POLM: variants seen among roughly 807,000 people sequenced by gnomAD.
POLM encodes the protein DNA-directed DNA/RNA polymerase mu.
Under a neutral mutation model 56.7 loss-of-function variants are expected in POLM, and 52 were observed. The ratio of observed to expected loss-of-function variants is 0.92; its 90% confidence interval spans 0.73 to 1.15. The LOEUF (loss-of-function observed/expected upper bound fraction) is 1.15. POLM is among the 50% of genes most tolerant of loss of function. POLM has a pLI of 0.00. For missense variants in POLM, 660 were observed against 663.6 expected (o/e 0.99, Z 0.06); for synonymous variants, 273 against 274.3 (o/e 1.00, Z 0.05).
chr7:44,074,898 C>G (rs1562668283), intron 6 of POLM, among the ~76,000 whole-genome samples: 1 of 152,230 alleles, frequency 6.6e-6, no homozygotes, highest in Non-Finnish European at 1.5e-5. Flanking sequence ...AGTCATGCCA[C>G]AGGCTATCTC....
At chr7:44,081,373 T>G (rs991627161) in intron 1 of POLM, among the ~76,000 whole-genome samples, 1 of 152,230 alleles carries the variant, frequency 6.6e-6, no homozygotes, top group Non-Finnish European at 1.5e-5. Flanking sequence ...ATCCACCCTG[T>G]GGGGTTGTTG....
chr7:44,074,072 A>C, intron 8 of POLM, 47 bp from the exon 9 acceptor site: 2 of 1,608,410 alleles, frequency 1.2e-6, no homozygotes, highest in African/African-American at 1.3e-5. Flanking sequence ...TGGTGTGGAG[A>C]GAGCAGGAGG....
rs762491869 is a variant in POLM at position 44,074,193 on chromosome 7, G to A, written c.1009C>T (p.His337Tyr). 2 of 1,598,746 alleles carry A rather than the reference G, an allele frequency of 1.3e-6. No individual in the cohort carries two copies. The highest frequency in any genetic ancestry group is 4.5e-5 in the East Asian group (2 of 44,396). The change falls in exon 8 of 11, where the codon CAC becomes TAC. Residue 337 changes from histidine (H) to tyrosine (Y), a missense_variant. Coordinates refer to ENST00000242248, the MANE Select transcript of POLM (RefSeq NM_013284.4). ...QGHDVDFLITHPKEGQEAGLL... is the reference protein window; with the variant it reads ...QGHDVDFLITYPKEGQEAGLL... ...CCCGCCTCCTGACCCTCCTTGGGGT[G>A]GGTGATGAGGAAGTCCACGTCATGG...
In POLM at chr7:44,074,485, T is replaced by C; in HGVS notation, c.881A>G (p.Asp294Gly). Residue 294 changes from aspartate (D) to glycine (G), a missense_variant, in exon 7 of 11, where the codon GAT becomes GGT. Coordinates refer to ENST00000242248, the MANE Select transcript of POLM (RefSeq NM_013284.4). ...QDLSTPVLRS[D>G]VDALQQVVEE... ...CACCACCTGCTGCAGGGCATCTACATCGGACCGCAGGACTGGGGTGCTCAG... is the reference window on the plus strand; with the variant it reads ...CACCACCTGCTGCAGGGCATCTACACCGGACCGCAGGACTGGGGTGCTCAG... The C allele has an allele frequency of 1.3e-6, 2 of 1,598,162 alleles. No homozygotes were observed. Among genetic ancestry groups the C allele is most frequent in the Non-Finnish European group, 1.7e-6 (2 of 1,172,984 alleles).
Sources: gnomAD v4.1 joint callset for allele counts (sites outside exome capture counted in the v4.1 genomes callset) on GRCh38, gnomAD v4.1.1 for gene constraint, MANE v1.5 for transcripts, NCBI Gene and HGNC (gene_info 2026-07-23, HGNC 2026-07-21) for gene names.